EDIL3: variants seen among roughly 807,000 people sequenced by gnomAD.
EDIL3 encodes the protein EGF like and discoidin domains 3.
EDIL3 carries 37 observed loss-of-function variants against 67.4 expected under a neutral mutation model. That is an observed-to-expected ratio of 0.55 (90% confidence interval 0.42 to 0.72). The LOEUF (loss-of-function observed/expected upper bound fraction) is 0.72, where lower values mean the gene tolerates loss of function less well. Ranked by LOEUF, EDIL3 falls within the 30% of genes least tolerant of loss-of-function variation. The pLI, the probability that EDIL3 is intolerant of heterozygous loss-of-function variation, is 0.00. For missense variants in EDIL3, 527 were observed against 586.3 expected (o/e 0.90, Z 1.04); for synonymous variants, 195 against 196.3 (o/e 0.99, Z 0.05).
intron 4 of EDIL3, among the ~76,000 whole-genome samples, chr5:84,174,913 G>T (rs542675916): frequency 6.6e-6 from 1 of 152,124 alleles, no homozygotes; most frequent in Non-Finnish European, 1.5e-5. Context: ...AGAATGATAC[G>T]ATAAAAATGT....
At chr5:84,122,901 T>C (rs945143118) in intron 5 of EDIL3, among the ~76,000 whole-genome samples, 6 of 151,946 alleles carry the variant, frequency 3.9e-5, no homozygotes, top group Non-Finnish European at 8.8e-5. Flanking sequence ...TTTAATACTT[T>C]AGTTTTCTAA....
intron 1 of EDIL3, among the ~76,000 whole-genome samples, chr5:84,326,603 T>C (rs1487354540): frequency 1.3e-5 from 2 of 152,010 alleles, no homozygotes; most frequent in Non-Finnish European, 2.9e-5. Flanking sequence ...AAATCTCATC[T>C]TTATTCCATT....
At chr5:84,176,198 A>AATATATAT (rs561062432) in intron 4 of EDIL3, among the ~76,000 whole-genome samples, 24 of 77,250 alleles carry the variant, frequency 3.1e-4, no homozygotes, top group Non-Finnish European at 5.5e-4. Context: ...ATATATATAT[A>AATATATAT]ATATATATAT....
chr5:84,123,655 A>G (rs1177058906), intron 5 of EDIL3, among the ~76,000 whole-genome samples: 1 of 151,934 alleles, frequency 6.6e-6, no homozygotes, highest in African/African-American at 2.4e-5. Context: ...TAACTGAAAC[A>G]TGATTTTTAT....
intron 9 of EDIL3, among the ~76,000 whole-genome samples, chr5:83,982,067 G>A (rs1202453415): frequency 1.3e-5 from 2 of 151,956 alleles, no homozygotes; most frequent in Non-Finnish European, 2.9e-5. Flanking sequence ...TCCCATCAAT[G>A]CTATCATGTT....
At position 84,297,131 on chromosome 5, in the gene EDIL3, G is replaced by A. The variant is rs146487264; in HGVS notation, c.68-42919C>T. Among the ~76,000 whole-genome samples, 517 of 140,480 alleles carry A rather than the reference G, an allele frequency of 3.7e-3. 1 individual carries two copies. Among genetic ancestry groups the A allele is most frequent in the Admixed American group, 8.4e-3 (112 of 13,394 alleles). 92.2% of individuals were successfully genotyped at this position (140,480 alleles called of 152,430 possible). On this transcript the variant is annotated intron_variant, in intron 1 of 10. Coordinates refer to ENST00000296591, the MANE Select transcript of EDIL3 (RefSeq NM_005711.5). ...CAGGAGGCAAAGCTTGCAGTGAGCC[G>A]AGATTACACCACTGCACTCCAGCCT... is the stretch of plus-strand genomic sequence containing the variant.
chr5:84,373,255 T>C (rs571902297), intron 1 of EDIL3, among the ~76,000 whole-genome samples: 2 of 152,290 alleles, frequency 1.3e-5, no homozygotes, highest in East Asian at 3.9e-4. Context: ...GATTTTGGGA[T>C]TTTAATAACC....
intron 1 of EDIL3, among the ~76,000 whole-genome samples, chr5:84,345,080 T>C (rs1747210521): frequency 6.6e-6 from 1 of 152,170 alleles, no homozygotes; most frequent in African/African-American, 2.4e-5. Context: ...GCTCATTTTG[T>C]TGGCTTACAC....
Position 84,105,449 on chromosome 5 carries a change from TGG to T in EDIL3, c.651+1198_651+1199del. ...AGATTTTGGCCCAGTTTTTCAAGTA[TGG>T]AAGTCTTGCCTCTTAGCCATAAATC... is the stretch of plus-strand genomic sequence containing the variant. On this transcript the variant is annotated intron_variant, in intron 6 of 10. Coordinates refer to ENST00000296591, the MANE Select transcript of EDIL3 (RefSeq NM_005711.5). 2.0e-5 allele frequency among the ~76,000 whole-genome samples: 3 copies of T among 152,224 alleles called. No homozygotes were observed. The South Asian group carries it at 6.2e-4, about 32-fold the overall frequency.
At chr5:84,144,164 A>G (rs776203902) in intron 4 of EDIL3, among the ~76,000 whole-genome samples, 10 of 152,062 alleles carry the variant, frequency 6.6e-5, no homozygotes, top group Non-Finnish European at 2.9e-5. Context: ...TCTGAAGCAT[A>G]GCCAATGTTT....
chr5:84,211,648 T>A (rs1744121666), intron 3 of EDIL3, among the ~76,000 whole-genome samples: 1 of 152,040 alleles, frequency 6.6e-6, no homozygotes, highest in Non-Finnish European at 1.5e-5. Flanking sequence ...TGGTCACAAG[T>A]CAATGAAGTC....
At chr5:84,101,489 A>G (rs1453637528) in intron 6 of EDIL3, among the ~76,000 whole-genome samples, 1 of 152,106 alleles carries the variant, frequency 6.6e-6, no homozygotes, top group African/African-American at 2.4e-5. Context: ...AAATAAACAC[A>G]ATTAGAAATG....
chr5:84,148,149 CCTT>C (rs778236061), intron 4 of EDIL3, among the ~76,000 whole-genome samples: 4 of 152,124 alleles, frequency 2.6e-5, no homozygotes, highest in African/African-American at 4.8e-5. Context: ...ATATAACTGT[CCTT>C]ATTATTATAT....
At chr5:84,019,037 A>T (rs906360319) in intron 9 of EDIL3, among the ~76,000 whole-genome samples, 2 of 152,198 alleles carry the variant, frequency 1.3e-5, no homozygotes, top group African/African-American at 4.8e-5. Context: ...CAGCCATCCC[A>T]TTACTGGGTA....
intron 4 of EDIL3, among the ~76,000 whole-genome samples, chr5:84,175,861 G>C (rs141934363): frequency 2.0e-5 from 3 of 152,064 alleles, no homozygotes; most frequent in Non-Finnish European, 2.9e-5. Flanking sequence ...CAAAAATTCT[G>C]ATTCAACAGG....
In EDIL3 at chr5:83,942,406, T is replaced by C. The variant is rs1744240040; in HGVS notation, c.*1013A>G. 1 of 152,144 alleles carries C rather than the reference T, an allele frequency of 6.6e-6. No homozygotes were observed. Among genetic ancestry groups the C allele is most frequent in the Admixed American group, 6.5e-5 (1 of 15,274 alleles). The allele number at this position is 152,144 out of a possible 1,614,324, so 9.4% of individuals were successfully genotyped here. On this transcript the variant is annotated 3_prime_UTR_variant, in exon 11 of 11. Transcript: ENST00000296591. ...TGGAGCTGAACAAAGAAATGATGAGTATGCTTGGCCAAACTATGCAGCACT... is the reference window on the plus strand; with the variant it reads ...TGGAGCTGAACAAAGAAATGATGAGCATGCTTGGCCAAACTATGCAGCACT...
intron 4 of EDIL3, among the ~76,000 whole-genome samples, chr5:84,159,366 G>A (rs1015223990): frequency 9.9e-5 from 15 of 151,936 alleles, no homozygotes; most frequent in Non-Finnish European, 1.6e-4. Context: ...CAAGTGTGTA[G>A]GTAGAAAATG....
At chr5:84,055,349 A>G (rs1746423170) in intron 9 of EDIL3, among the ~76,000 whole-genome samples, 1 of 146,680 alleles carries the variant, frequency 6.8e-6, no homozygotes, top group Non-Finnish European at 1.5e-5. Context: ...TAAAACCATA[A>G]AAACCCGAGA....
At chr5:83,967,627 T>A (rs1335536589) in intron 9 of EDIL3, among the ~76,000 whole-genome samples, 2 of 152,126 alleles carry the variant, frequency 1.3e-5, no homozygotes, top group Non-Finnish European at 2.9e-5. Context: ...TTAGAGTGTG[T>A]CTAACTTAGA....
Sources: gnomAD v4.1 joint callset for allele counts (sites outside exome capture counted in the v4.1 genomes callset) on GRCh38, gnomAD v4.1.1 for gene constraint, MANE v1.5 for transcripts, NCBI Gene and HGNC (gene_info 2026-07-23, HGNC 2026-07-21) for gene names.